The following SIM1 variants were observed in gnomAD, a reference collection of about 807,000 sequenced individuals.
The protein encoded by SIM1 is single-minded homolog 1.
A neutral mutation model predicts 78.2 loss-of-function variants in SIM1; 18 were observed. The ratio of observed to expected loss-of-function variants is 0.23; its 90% CI spans 0.16 to 0.34. The LOEUF (loss-of-function observed/expected upper bound fraction) is 0.34, where lower values mean the gene tolerates loss of function less well. SIM1 is among the 10% of genes least tolerant of loss of function. The probability of loss-of-function intolerance (pLI) is 1.00; values close to 1 mark genes in which losing one functional copy is unlikely to be tolerated. For synonymous variants in SIM1, 417 were observed against 385.2 expected, an observed-to-expected ratio of 1.08 and a Z score of -0.97; for missense variants, 939 against 975.1, an observed-to-expected ratio of 0.96 and a Z score of 0.49.
chr6:100,405,242 A>G (rs993335962), intron 10 of SIM1, among the ~76,000 whole-genome samples: 1 of 152,084 alleles, frequency 6.6e-6, no homozygotes, highest in Non-Finnish European at 1.5e-5. Flanking sequence ...AAAAACTTCA[A>G]GAAAAGTTGG....
Position 100,392,248 on chromosome 6 carries a change from TG to T in SIM1, c.1571-1158del, listed in dbSNP as rs368922915. Among the ~76,000 whole-genome samples the T allele has an allele frequency of 3.3e-3, 510 of 152,300 alleles. 2 individuals are homozygous for T. The highest frequency in any genetic ancestry group is 0.012 in the African/African-American group (499 of 41,562). ...TGGAGCCAAGGAAAGAGATAAAATA[TG>T]GAGGAGTAGTGCATCCAAAGTATAT... is the stretch of plus-strand genomic sequence containing the variant. On this transcript the variant is annotated intron_variant, in intron 11 of 11. Transcript: ENST00000369208.
chr6:100,406,945 AC>A (rs1771067218), intron 10 of SIM1, among the ~76,000 whole-genome samples: 1 of 152,082 alleles, frequency 6.6e-6, no homozygotes, highest in Non-Finnish European at 1.5e-5. Flanking sequence ...CCATCTTATA[AC>A]TGGAAGTTTG....
At chr6:100,446,864 C>G (rs774260108) in intron 9 of SIM1, among the ~76,000 whole-genome samples, 2 of 152,216 alleles carry the variant, frequency 1.3e-5, no homozygotes, top group African/African-American at 4.8e-5. Context: ...AAATTAAGAA[C>G]TTCAAACCCC....
rs138859507 is a variant in SIM1, at chr6:100,443,328, A to G, written c.998+3940T>C. Among the ~76,000 whole-genome samples the G allele has an allele frequency of 3.2e-4, 48 of 152,250 alleles. 3 individuals carry two copies. Among genetic ancestry groups the G allele is most frequent in the African/African-American group, 1.2e-3 (48 of 41,582 alleles). On this transcript the variant is annotated intron_variant, in intron 9 of 11. Transcript: ENST00000369208. The stretch of plus-strand genomic sequence containing the variant: ...AAGCAATGTTCCATCCTAAACTTAG[A>G]AAATAAATAAGCAGAGAAGCTGTCT...
chr6:100,408,433 C>T (rs924876182), intron 10 of SIM1, among the ~76,000 whole-genome samples: 3 of 151,812 alleles, frequency 2.0e-5, no homozygotes, highest in Admixed American at 6.6e-5. Flanking sequence ...TTTGGATATT[C>T]GGGATCTTTT....
intron 3 of SIM1, among the ~76,000 whole-genome samples, chr6:100,453,283 C>A (rs913939146): frequency 2.6e-5 from 4 of 152,188 alleles, no homozygotes; most frequent in Non-Finnish European, 5.9e-5. Context: ...CTGGGCACTA[C>A]AGGGACACAA....
intron 10 of SIM1, among the ~76,000 whole-genome samples, chr6:100,407,822 C>T (rs1442340223): frequency 6.6e-6 from 1 of 151,750 alleles, no homozygotes; most frequent in Non-Finnish European, 1.5e-5. Context: ...CTTTTTTCTG[C>T]TTTTCTCTTT....
intron 3 of SIM1, among the ~76,000 whole-genome samples, chr6:100,452,314 T>C (rs1441199319): frequency 1.3e-5 from 2 of 152,224 alleles, no homozygotes; most frequent in Non-Finnish European, 2.9e-5. Flanking sequence ...CCTGGTAAAC[T>C]ATACACTGTA....
intron 9 of SIM1, among the ~76,000 whole-genome samples, chr6:100,423,715 T>C (rs1771652591): frequency 6.6e-6 from 1 of 152,312 alleles, no homozygotes; most frequent in African/African-American, 2.4e-5. Flanking sequence ...TGCAACCCAA[T>C]ATCCTTTCTG....
At chr6:100,458,819 T>A (rs1582328551) in intron 2 of SIM1, among the ~76,000 whole-genome samples, 1 of 152,202 alleles carries the variant, frequency 6.6e-6, no homozygotes, top group Non-Finnish European at 1.5e-5. Context: ...CGGAAGGAAG[T>A]TTACTCTGCA....
intron 9 of SIM1, among the ~76,000 whole-genome samples, chr6:100,434,373 C>T (rs899301975): frequency 6.6e-6 from 1 of 152,236 alleles, no homozygotes; most frequent in Non-Finnish European, 1.5e-5. Context: ...CTATTAGTCT[C>T]TTAACGGCCT....
chr6:100,463,231 C>G, intron 2 of SIM1, 63 bp downstream of exon 2: 1 of 1,440,864 alleles, frequency 6.9e-7, no homozygotes, highest in Non-Finnish European at 9.6e-7. Context: ...GATGTCGGCT[C>G]ATTGCCTGGC....
At chr6:100,439,150 A>C (rs1455262803) in intron 9 of SIM1, among the ~76,000 whole-genome samples, 1 of 152,216 alleles carries the variant, frequency 6.6e-6, no homozygotes, top group Non-Finnish European at 1.5e-5. Flanking sequence ...ATGAAGTTCA[A>C]GGTGAAGAAT....
At position 100,454,821 on chromosome 6, in the gene SIM1, G is replaced by GA. The variant is rs1457450592; in HGVS notation, c.176-978dup. Reference sequence around the variant, plus strand: ...CGGCTAGAGTACCCTTTTGCGGAAAGAAAAAACAAAGAAGGCAAAAAAACT... The same window carrying GA: ...CGGCTAGAGTACCCTTTTGCGGAAAGAAAAAAACAAAGAAGGCAAAAAAACT... On this transcript the variant is annotated intron_variant, in intron 2 of 11. Coordinates refer to ENST00000369208, the MANE Select transcript of SIM1 (RefSeq NM_005068.3). Among the ~76,000 whole-genome samples the GA allele has an allele frequency of 2.0e-5, 3 of 152,214 alleles. No homozygotes were observed. The South Asian group carries it at 6.2e-4, about 32-fold the overall frequency.
chr6:100,418,174 C>T (rs1165909428), intron 10 of SIM1, among the ~76,000 whole-genome samples: 2 of 151,616 alleles, frequency 1.3e-5, no homozygotes, highest in African/African-American at 4.8e-5. Flanking sequence ...ACTCCCATGT[C>T]TACAAAAATT....
rs543554592 is a variant in SIM1 at position 100,451,584 on chromosome 6, A to G, written c.259-1228T>C. ...AGACAGTGATCTGAGGAGGAAGGGG[A>G]GGGGAAGAGGAGATCAGAGAAGGCA... On this transcript the variant is annotated intron_variant, in intron 3 of 11. Coordinates refer to ENST00000369208, the MANE Select transcript of SIM1 (RefSeq NM_005068.3). 5.3e-5 allele frequency among the ~76,000 whole-genome samples: 8 copies of G among 152,028 alleles called. No individual in the cohort carries two copies. The East Asian group carries it at 1.5e-3, about 29-fold the overall frequency.
At position 100,393,888 on chromosome 6, in the gene SIM1, T is replaced by C. The variant is rs1169700889; in HGVS notation, c.1169A>G (p.Tyr390Cys). The C allele has an allele frequency of 1.9e-6, 3 of 1,544,676 alleles. No individual in the cohort carries two copies. In the South Asian group the frequency reaches 3.7e-5, roughly 19 times the overall value. Residue 390 changes from tyrosine to cysteine, a missense_variant and splice_region_variant, in exon 11 of 12, where the codon TAT (tyrosine) becomes TGT (cysteine). This residue lies in a region of SIM1 where 556 missense variants were observed against 521.9 expected (regional missense o/e 1.07). Transcript: ENST00000369208. The part of the protein sequence containing the change: ...SKSRTSPYPQ[Y>C]SGFHTERSES... ...CGATCTTTCTGTGTGAAATCCCGAATACTGAAACCGAGTAGGGGAGAAAAG... is the reference window on the plus strand; with the variant it reads ...CGATCTTTCTGTGTGAAATCCCGAACACTGAAACCGAGTAGGGGAGAAAAG...
chr6:100,436,825 G>A (rs745632886), intron 9 of SIM1, among the ~76,000 whole-genome samples: 6 of 148,962 alleles, frequency 4.0e-5, no homozygotes, highest in Non-Finnish European at 8.9e-5. Flanking sequence ...TGCAGCCTCT[G>A]CCTCCCAGGT....
chr6:100,441,428 G>T (rs953219078), intron 9 of SIM1, among the ~76,000 whole-genome samples: 14 of 152,190 alleles, frequency 9.2e-5, no homozygotes, highest in African/African-American at 3.1e-4. Flanking sequence ...CCATCCCCAT[G>T]GGGATGTACA....
Sources: gnomAD v4.1 joint callset for allele counts (sites outside exome capture counted in the v4.1 genomes callset) on GRCh38, gnomAD v4.1.1 for gene constraint, gnomAD v4.1.1 regional missense constraint, MANE v1.5 for transcripts, NCBI Gene and HGNC (gene_info 2026-07-23, HGNC 2026-07-21) for gene names.